The following ADSS2 variants were observed in gnomAD, a reference collection of about 807,000 sequenced individuals.
The protein encoded by ADSS2 is adenylosuccinate synthase 2.
In ADSS2, 30 loss-of-function variants were observed where a neutral mutation model predicts 60.0. That is an observed-to-expected ratio of 0.50 (90% CI 0.37 to 0.68). ADSS2 has a LOEUF of 0.68. Ranked by LOEUF, ADSS2 falls within the 30% of genes least tolerant of loss-of-function variation. ADSS2 has a pLI of 0.00. For missense variants in ADSS2, 373 were observed against 554.8 expected (o/e 0.67, Z 3.29); for synonymous variants, 187 against 193.1 (o/e 0.97, Z 0.26).
intron 2 of ADSS2, 130 bp downstream of exon 2, chr1:244,437,536 G>T: frequency 1.5e-6 from 1 of 687,054 alleles, no homozygotes; most frequent in Non-Finnish European, 2.6e-6. Flanking sequence ...AAGGTATCAA[G>T]GTCAAAATTA....
At chr1:244,416,228 G>T (rs1383997225) in intron 10 of ADSS2, 150 bp from the exon 11 acceptor site, 4 of 612,442 alleles carry the variant, frequency 6.5e-6, no homozygotes, top group African/African-American at 1.9e-5. Context: ...ATTTTAAAGC[G>T]TGCCACACAT....
rs60576167 is a variant in ADSS2, at chr1:244,435,168, C to CAAAAAAAAAAAAAAAA, written c.355+1641_355+1656dup. Among the ~76,000 whole-genome samples, 31 of 51,746 alleles carry CAAAAAAAAAAAAAAAA rather than the reference C, an allele frequency of 6.0e-4. 4 individuals carry two copies. Among genetic ancestry groups the CAAAAAAAAAAAAAAAA allele is most frequent in the African/African-American group, 2.5e-3 (30 of 12,004 alleles). 33.9% of individuals were successfully genotyped at this position (51,746 alleles called of 152,430 possible). On this transcript the variant is annotated intron_variant, in intron 3 of 12. Coordinates refer to ENST00000366535, the MANE Select transcript of ADSS2 (RefSeq NM_001126.5). ...GGGTGACAGAGAGAGACTCCGTCTC[C>CAAAAAAAAAAAAAAAA]AAAAAAAAAAAAAAAAAAAAAAAAA...
In ADSS2 at chr1:244,448,914, G is replaced by A. The variant is rs190185752; in HGVS notation, c.183+2721C>T. On this transcript the variant is annotated intron_variant, in intron 1 of 12. Coordinates refer to ENST00000366535, the MANE Select transcript of ADSS2 (RefSeq NM_001126.5). The stretch of plus-strand genomic sequence containing the variant: ...TTCAGATTTTTGACTCCCAGGCTAA[G>A]TGATCCCCTGCAGATACTCAATGTT... 1.2e-4 allele frequency among the ~76,000 whole-genome samples: 19 copies of A among 152,268 alleles called. No individual in the cohort carries two copies. In the East Asian group the frequency reaches 2.7e-3, roughly 22 times the overall value.
chr1:244,437,513 A>G (rs1038359626), intron 2 of ADSS2, among the ~76,000 whole-genome samples, 153 bp downstream of exon 2: 1 of 152,170 alleles, frequency 6.6e-6, no homozygotes, highest in Non-Finnish European at 1.5e-5. Context: ...AGCCAAAGTC[A>G]TGTATATTCC....
chr1:244,418,512 G>A (rs1664588246), intron 9 of ADSS2, among the ~76,000 whole-genome samples: 1 of 151,968 alleles, frequency 6.6e-6, no homozygotes, highest in African/African-American at 2.4e-5. Flanking sequence ...GTAGTGACAG[G>A]GTTTCAACAT....
At position 244,418,546 on chromosome 1, in the gene ADSS2, C is replaced by T. The variant is rs537117470; in HGVS notation, c.945+214G>A. 7.9e-5 allele frequency among the ~76,000 whole-genome samples: 12 copies of T among 152,266 alleles called. No individual in the cohort carries two copies. The Middle Eastern group carries it at 0.014, about 173-fold the overall frequency. On this transcript the variant is annotated intron_variant, in intron 9 of 12. Coordinates refer to ENST00000366535, the MANE Select transcript of ADSS2 (RefSeq NM_001126.5). The stretch of plus-strand genomic sequence containing the variant: ...ATGTTGCCCCAGCTGATCTTGAACT[C>T]CTGGGCTCAAGTGATCTGCCTGCCT...
intron 4 of ADSS2, among the ~76,000 whole-genome samples, chr1:244,432,283 T>C (rs1307193615): frequency 1.3e-5 from 2 of 152,234 alleles, no homozygotes; most frequent in African/African-American, 2.4e-5. Flanking sequence ...TATTTTTAAA[T>C]AGAATTAGAG....
At chr1:244,411,466 G>A in intron 11 of ADSS2, 30 bp from the exon 12 acceptor site, 2 of 1,592,588 alleles carry the variant, frequency 1.3e-6, no homozygotes, top group Middle Eastern at 1.7e-4. Flanking sequence ...TTTATTCATG[G>A]CACACACTGT....
At chr1:244,412,171 T>C (rs2147985550) in intron 11 of ADSS2, among the ~76,000 whole-genome samples, 1 of 152,338 alleles carries the variant, frequency 6.6e-6, no homozygotes, top group South Asian at 2.1e-4. Flanking sequence ...GGGACAACTT[T>C]CAAGGGCTAT....
intron 1 of ADSS2, among the ~76,000 whole-genome samples, chr1:244,448,950 A>G (rs3003212): frequency 0.22 from 34,176 of 152,022 alleles, 4,189 homozygotes; most frequent in Middle Eastern, 0.31. Flanking sequence ...TACTAGATGA[A>G]TGACCTGTAC....
chr1:244,422,557 T>A (rs1005406614), intron 7 of ADSS2, among the ~76,000 whole-genome samples: 2 of 152,230 alleles, frequency 1.3e-5, no homozygotes, highest in Non-Finnish European at 1.5e-5. Context: ...AATTTCCTAG[T>A]AGCTTTTCAT....
At chr1:244,444,459 G>A (rs1331413412) in intron 1 of ADSS2, among the ~76,000 whole-genome samples, 1 of 129,098 alleles carries the variant, frequency 7.7e-6, no homozygotes, top group Non-Finnish European at 1.6e-5. Context: ...AGCTTGCAGT[G>A]AGCCGAGATC....
chr1:244,436,141 T>C (rs1250803913), intron 3 of ADSS2, among the ~76,000 whole-genome samples: 1 of 152,250 alleles, frequency 6.6e-6, no homozygotes, highest in Non-Finnish European at 1.5e-5. Flanking sequence ...TATGGAACTT[T>C]CCACTTGTGG....
intron 9 of ADSS2, 49 bp downstream of exon 9, chr1:244,418,711 A>G: frequency 6.7e-7 from 1 of 1,493,182 alleles, no homozygotes; most frequent in Non-Finnish European, 9.0e-7. Context: ...GAAAAAAAAG[A>G]AGAATGAATT....
At position 244,446,910 on chromosome 1, in the gene ADSS2, T is replaced by G. The variant is rs73129740; in HGVS notation, c.183+4725A>C. ...AAAAGTTTTCTCAATAATAAAATTC[T>G]TCCTTTAAAAAAGATGTTAAAACTT... On this transcript the variant is annotated intron_variant, in intron 1 of 12. Coordinates refer to ENST00000366535, the MANE Select transcript of ADSS2 (RefSeq NM_001126.5). Among the ~76,000 whole-genome samples, 820 of 152,314 alleles carry G rather than the reference T, an allele frequency of 5.4e-3. 15 individuals are homozygous for G. Among genetic ancestry groups the G allele is most frequent in the African/African-American group, 0.018 (744 of 41,582 alleles).
At chr1:244,438,916 A>G (rs1273685511) in intron 1 of ADSS2, among the ~76,000 whole-genome samples, 1 of 152,160 alleles carries the variant, frequency 6.6e-6, no homozygotes, top group African/African-American at 2.4e-5. Flanking sequence ...AATTATACTG[A>G]GTTATTTAAA....
At chr1:244,423,907 C>CA (rs1664732979) in intron 6 of ADSS2, 46 bp downstream of exon 6, 4 of 1,500,058 alleles carry the variant, frequency 2.7e-6, no homozygotes, top group Non-Finnish European at 2.7e-6. Flanking sequence ...TAAAAAAAAT[C>CA]AAAAAATGCA....
intron 4 of ADSS2, among the ~76,000 whole-genome samples, chr1:244,432,012 T>C (rs919101002): frequency 8.5e-5 from 13 of 152,252 alleles, no homozygotes; most frequent in African/African-American, 3.1e-4. Flanking sequence ...TTATTTCTTT[T>C]CTGGTTATTG....
intron 1 of ADSS2, among the ~76,000 whole-genome samples, chr1:244,444,254 G>A (rs868812556): frequency 3.0e-4 from 45 of 151,784 alleles, no homozygotes; most frequent in South Asian, 2.1e-4. Context: ...GGTGGCTCAC[G>A]CCTGTAATCC....
Sources: allele counts gnomAD v4.1 joint callset (sites outside exome capture counted in the v4.1 genomes callset), GRCh38; gene constraint gnomAD v4.1.1; transcripts MANE v1.5; gene names NCBI Gene and HGNC (gene_info 2026-07-23, HGNC 2026-07-21).